CELF2: variants seen among roughly 807,000 people sequenced by gnomAD.
CELF2 encodes CUGBP Elav-like family member 2.
CELF2 carries 8 observed loss-of-function variants against 62.6 expected under a neutral mutation model. That is an observed-to-expected ratio of 0.13 (90% confidence interval 0.07 to 0.23). The LOEUF (loss-of-function observed/expected upper bound fraction) is 0.23, where lower values mean the gene tolerates loss of function less well. Ranked by LOEUF, CELF2 falls within the 10% of genes least tolerant of loss-of-function variation. The pLI is 1.00. For missense variants in CELF2, 333 were observed against 671.0 expected (o/e 0.50, Z 5.56); for synonymous variants, 258 against 250.0 (o/e 1.03, Z -0.30).
At chr10:10,793,629 A>G (rs1317726674), upstream of CELF2, among the ~76,000 whole-genome samples, 1 of 152,232 alleles carries the variant, frequency 6.6e-6, no homozygotes, top group East Asian at 1.9e-4. Context: ...CAATCTTAGG[A>G]CGAGAAGACC....
At chr10:11,301,380 ACTTCCCCCCTCCCCCCGCTTCCCCCCCTC>A (rs2093705521) in intron 9 of CELF2, among the ~76,000 whole-genome samples, 1 of 4,740 alleles carries the variant, frequency 2.1e-4, no homozygotes. Flanking sequence ...CTTCCCCCCC[ACTTCCCCCCTCCCCCCGCTTCCCCCCCTC>A]CCGCACCCCA....
At chr10:11,284,415 GT>G (rs2090376488) in intron 8 of CELF2, among the ~76,000 whole-genome samples, 1 of 45,512 alleles carries the variant, frequency 2.2e-5, no homozygotes, top group African/African-American at 6.4e-5. Context: ...ATGGATGACT[GT>G]GTGGTAGGTG....
At position 11,275,149 on chromosome 10, in the gene CELF2, G is replaced by C. The variant is rs749066697; in HGVS notation, c.841+29G>C. 3.7e-6 allele frequency: 6 copies of C among 1,611,050 alleles called. No individual in the cohort carries two copies. The South Asian group carries it at 5.5e-5, about 15-fold the overall frequency. On this transcript the variant is annotated intron_variant, in intron 8 of 12. Transcript: ENST00000633077. The stretch of plus-strand genomic sequence containing the variant: ...AGTCAGGAAGCACGCCTCTCCTTTT[G>C]ACCGTGCTATTGTCAGAATTTGGGG...
At chr10:10,752,903 C>T in the CELF2 span, among the ~76,000 whole-genome samples, 177 of 151,514 alleles carry the variant, frequency 1.2e-3, 2 homozygotes, top group Middle Eastern at 3.4e-3. Context: ...TCAGGAGAAT[C>T]CTAGTTCAAA....
the CELF2 span, among the ~76,000 whole-genome samples, chr10:10,476,241 A>T: frequency 1.3e-5 from 2 of 152,122 alleles, no homozygotes; most frequent in Non-Finnish European, 2.9e-5. Context: ...ATTTAACTTT[A>T]GTCATACAGC....
At chr10:10,473,542 C>CT in the CELF2 span, among the ~76,000 whole-genome samples, 6 of 151,948 alleles carry the variant, frequency 3.9e-5, no homozygotes, top group African/African-American at 4.8e-5. Context: ...AAGACAGTCA[C>CT]GCCTTTTAAA....
chr10:10,486,341 G>A, the CELF2 span, among the ~76,000 whole-genome samples: 1 of 152,168 alleles, frequency 6.6e-6, no homozygotes, highest in African/African-American at 2.4e-5. Context: ...GCCCCATAAT[G>A]ATTTTAATAC....
chr10:11,315,982 G>A lies in CELF2; in HGVS notation c.1096+1724G>A, dbSNP rs1346516965. On this transcript the variant is annotated intron_variant, in intron 10 of 12. Coordinates refer to ENST00000633077, the MANE Select transcript of CELF2 (RefSeq NM_001326342.2). This position sits in a 1 kb window ranked among gnomAD's most constrained non-coding sequence, Gnocchi z 5.8. Reference sequence around the variant, plus strand: ...TGGGAATGGTTGTCCTCCTCAGCACGTGCTCATGACTGGTGTGTGTGTGTC... The same window carrying A: ...TGGGAATGGTTGTCCTCCTCAGCACATGCTCATGACTGGTGTGTGTGTGTC... Among the ~76,000 whole-genome samples the A allele has an allele frequency of 2.6e-5, 4 of 152,230 alleles. No homozygotes were observed. Among genetic ancestry groups the A allele is most frequent in the East Asian group, 3.8e-4 (2 of 5,202 alleles).
chr10:10,760,749 T>A, the CELF2 span, among the ~76,000 whole-genome samples: 1 of 152,064 alleles, frequency 6.6e-6, no homozygotes. Context: ...GCCAACAGTG[T>A]TTCTCGCAGA....
intron 1 of CELF2, among the ~76,000 whole-genome samples, chr10:10,832,577 T>C (rs1159242654): frequency 6.6e-6 from 1 of 152,202 alleles, no homozygotes; most frequent in Non-Finnish European, 1.5e-5. Flanking sequence ...CGAAGAGTGA[T>C]GATAGCTTTG....
At chr10:11,174,641 C>T (rs773785558) in intron 2 of CELF2, among the ~76,000 whole-genome samples, 3 of 152,108 alleles carry the variant, frequency 2.0e-5, no homozygotes, top group Non-Finnish European at 2.9e-5. Context: ...TTTAACTGAC[C>T]CACCATCTGA....
intron 1 of CELF2, among the ~76,000 whole-genome samples, chr10:10,906,927 C>T (rs1048130573): frequency 2.0e-5 from 3 of 151,970 alleles, no homozygotes; most frequent in African/African-American, 7.3e-5. Flanking sequence ...CCATGTTGGC[C>T]AGGATGGTCT....
At chr10:11,222,919 T>C (rs2136100882) in intron 3 of CELF2, among the ~76,000 whole-genome samples, 1 of 152,344 alleles carries the variant, frequency 6.6e-6, no homozygotes, top group African/African-American at 2.4e-5. Context: ...TGTGTATGTC[T>C]ATATGCCCAT....
the CELF2 span, among the ~76,000 whole-genome samples, chr10:10,580,607 G>T: frequency 2.6e-5 from 4 of 152,240 alleles, no homozygotes; most frequent in Admixed American, 6.5e-5. Context: ...AAAACAGAAT[G>T]ATTGAAACCC....
the CELF2 span, among the ~76,000 whole-genome samples, chr10:10,592,780 G>A: frequency 6.6e-6 from 1 of 152,102 alleles, no homozygotes. Context: ...GCTAGAGGTT[G>A]GGGGTAAAAG....
chr10:10,987,795 G>A (rs937975497), intron 2 of CELF2, among the ~76,000 whole-genome samples: 1 of 151,906 alleles, frequency 6.6e-6, no homozygotes, highest in Non-Finnish European at 1.5e-5. Flanking sequence ...CAAAAAGTAG[G>A]CAAAGAACAT....
At chr10:11,173,512 C>T (rs2069730907) in intron 2 of CELF2, among the ~76,000 whole-genome samples, 1 of 152,114 alleles carries the variant, frequency 6.6e-6, no homozygotes, top group Non-Finnish European at 1.5e-5. Context: ...CATGACATAC[C>T]TTTTGAAGAA....
chr10:10,649,741 T>C, the CELF2 span, among the ~76,000 whole-genome samples: 1 of 152,160 alleles, frequency 6.6e-6, no homozygotes, highest in Non-Finnish European at 1.5e-5. Context: ...AAAATACTGG[T>C]TTCTGGAGAC....
chr10:10,574,549 T>C, the CELF2 span, among the ~76,000 whole-genome samples: 3 of 152,170 alleles, frequency 2.0e-5, no homozygotes, highest in Non-Finnish European at 4.4e-5. Context: ...ACAGTTCCAT[T>C]TAATTTTAAA....
Sources: gnomAD v4.1 joint callset for allele counts (sites outside exome capture counted in the v4.1 genomes callset) on GRCh38, gnomAD v4.1.1 for gene constraint, Gnocchi (gnomAD v3.1) non-coding constraint, MANE v1.5 for transcripts, NCBI Gene and HGNC (gene_info 2026-07-23, HGNC 2026-07-21) for gene names.